EFHD1: variants seen among roughly 807,000 people sequenced by gnomAD.
The protein encoded by EFHD1 is EF-hand domain-containing protein D1.
In EFHD1, 10 loss-of-function variants were observed where a neutral mutation model predicts 17.2. The observed-to-expected ratio is 0.58, with a 90% CI of 0.36 to 0.99. The LOEUF (loss-of-function observed/expected upper bound fraction) is 0.99. EFHD1 is among the 50% of genes least tolerant of loss of function. EFHD1 has a pLI of 0.01. For missense variants in EFHD1, 310 were observed against 327.5 expected (o/e 0.95, Z 0.41); for synonymous variants, 153 against 142.0 (o/e 1.08, Z -0.55).
upstream of EFHD1, among the ~76,000 whole-genome samples, chr2:232,630,300 G>C (rs573848183): frequency 1.3e-5 from 2 of 152,224 alleles, no homozygotes; most frequent in Non-Finnish European, 2.9e-5. Context: ...CATCGGAAAA[G>C]AGGAGAAGGA....
In EFHD1 at chr2:232,623,596, C is replaced by T. The variant is rs139336303; in HGVS notation, c.14+17423C>T. ...GGCAGAGACAGGAGAATCGCTTGAA[C>T]CCGAGAGGCAGAGGTTGTAAGTGAG... On this transcript the variant is annotated intron_variant, in intron 1 of 3. Transcript: ENST00000409613. 4.0e-3 allele frequency among the ~76,000 whole-genome samples: 580 copies of T among 145,422 alleles called. 3 individuals are homozygous for T. Among genetic ancestry groups the T allele is most frequent in the African/African-American group, 0.014 (557 of 39,326 alleles).
At position 232,646,485 on chromosome 2, in the gene EFHD1, C is replaced by T. The variant is rs550782626; in HGVS notation, c.302+12479C>T. Among the ~76,000 whole-genome samples the T allele has an allele frequency of 2.8e-3, 394 of 139,936 alleles. 12 individuals carry two copies. Among genetic ancestry groups the T allele is most frequent in the Non-Finnish European group, 5.8e-4 (38 of 65,994 alleles). The allele number at this position is 139,936 out of a possible 152,430, so 91.8% of individuals were successfully genotyped here. On this transcript the variant is annotated intron_variant, in intron 1 of 3. Coordinates refer to ENST00000264059, the MANE Select transcript of EFHD1 (RefSeq NM_025202.4). ...TTTGAGACAGTGTTTCACTCTGTCA[C>T]CCAGGCTGGAGTACAGTGGCATGAT...
intron 3 of EFHD1, among the ~76,000 whole-genome samples, chr2:232,680,197 C>A (rs1416015639): frequency 6.6e-6 from 1 of 151,938 alleles, no homozygotes; most frequent in Non-Finnish European, 1.5e-5. Flanking sequence ...ATCGGTTGAG[C>A]CCTGGAGGCA....
intron 2 of EFHD1, among the ~76,000 whole-genome samples, chr2:232,668,948 T>C (rs1695016404): frequency 6.6e-6 from 1 of 152,184 alleles, no homozygotes; most frequent in East Asian, 1.9e-4. Context: ...CTCCCATCTT[T>C]TCACAGCTGC....
chr2:232,651,491 A>C (rs528947599), intron 1 of EFHD1, among the ~76,000 whole-genome samples: 1 of 152,356 alleles, frequency 6.6e-6, no homozygotes, highest in Admixed American at 6.5e-5. Context: ...ACCTTCTAGC[A>C]GGTTAAAGAT....
chr2:232,636,468 G>A (rs1000483506), intron 1 of EFHD1, among the ~76,000 whole-genome samples: 2 of 152,186 alleles, frequency 1.3e-5, no homozygotes, highest in African/African-American at 4.8e-5. Flanking sequence ...TTCAGCCTAT[G>A]GTGAAGGCCA....
intron 1 of EFHD1, among the ~76,000 whole-genome samples, chr2:232,660,245 A>G (rs1421960242): frequency 6.6e-6 from 1 of 151,182 alleles, no homozygotes; most frequent in Non-Finnish European, 1.5e-5. Context: ...CCCAGGCTGG[A>G]GTGCAGTGGC....
chr2:232,606,247 T>C, intron 1 of EFHD1: 7 of 1,504,196 alleles, frequency 4.7e-6, no homozygotes, highest in Non-Finnish European at 9.1e-7. Context: ...ATTTTTACTC[T>C]GGTCCAGAAT....
chr2:232,627,956 C>T (rs188620250), intron 1 of EFHD1, among the ~76,000 whole-genome samples: 273 of 152,206 alleles, frequency 1.8e-3, no homozygotes, highest in African/African-American at 6.4e-3. Context: ...ACCATCGTCA[C>T]TATCTAATGT....
chr2:232,635,540 C>T (rs1694302940), intron 1 of EFHD1, among the ~76,000 whole-genome samples: 1 of 152,142 alleles, frequency 6.6e-6, no homozygotes, highest in Admixed American at 6.5e-5. Context: ...AAAGGGGAGC[C>T]GGGCACAGTG....
chr2:232,646,013 C>A (rs954835662), intron 1 of EFHD1, among the ~76,000 whole-genome samples: 3 of 152,212 alleles, frequency 2.0e-5, no homozygotes, highest in African/African-American at 7.2e-5. Flanking sequence ...ACAGTCTCTG[C>A]AGGCAGCCTG....
At chr2:232,677,264 A>ACAC (rs1559358074) in intron 3 of EFHD1, among the ~76,000 whole-genome samples, 2 of 52,946 alleles carry the variant, frequency 3.8e-5, no homozygotes, top group African/African-American at 7.8e-5. Context: ...ATCTTTCTAT[A>ACAC]ACACACACAT....
At chr2:232,679,662 T>C (rs1695238645) in intron 3 of EFHD1, among the ~76,000 whole-genome samples, 1 of 148,676 alleles carries the variant, frequency 6.7e-6, no homozygotes, top group Admixed American at 6.8e-5. Context: ...TGCAGTGAAC[T>C]ATGATTGTGC....
chr2:232,672,327 A>C lies in EFHD1; in HGVS notation c.469A>C (p.Lys157Gln). 2.5e-6 allele frequency: 4 copies of C among 1,614,128 alleles called. No homozygotes were observed. The highest frequency in any genetic ancestry group is 3.4e-6 in the Non-Finnish European group (4 of 1,180,002). The change falls in exon 3 of 4, where the codon AAG becomes CAG. Residue 157 changes from lysine (K) to glutamine (Q), a missense_variant. Coordinates refer to ENST00000264059, the MANE Select transcript of EFHD1 (RefSeq NM_025202.4). ...CCTGTAGTTCCTGCTCATTTTCCAC[A>C]AGGCCGCGGCAGGGGAGCTGCAGGA... is the stretch of plus-strand genomic sequence containing the variant. Reference protein sequence around the residue: ...SFREFLLIFHKAAAGELQEDS... With the variant: ...SFREFLLIFHQAAAGELQEDS...
intron 1 of EFHD1, among the ~76,000 whole-genome samples, chr2:232,626,630 G>A (rs1472596486): frequency 1.3e-5 from 2 of 152,154 alleles, no homozygotes; most frequent in Non-Finnish European, 2.9e-5. Flanking sequence ...TGGATGGAAA[G>A]TGAACATAAA....
In EFHD1 at chr2:232,624,534, G is replaced by T. The variant is rs1283448610; in HGVS notation, c.14+18361G>T. Reference sequence around the variant, plus strand: ...ATGCCAGGGGGCACCCTTGTGTCTGGCTTGCTGGGATTCATTTACACAGTC... The same window carrying T: ...ATGCCAGGGGGCACCCTTGTGTCTGTCTTGCTGGGATTCATTTACACAGTC... On this transcript the variant is annotated intron_variant, in intron 1 of 3. Coordinates refer to the EFHD1 transcript ENST00000409613. Among the ~76,000 whole-genome samples, 3 of 152,386 alleles carry T rather than the reference G, an allele frequency of 2.0e-5. No individual in the cohort carries two copies. The East Asian group carries it at 5.8e-4, about 29-fold the overall frequency.
At chr2:232,640,667 G>A (rs1050737758) in intron 1 of EFHD1, among the ~76,000 whole-genome samples, 1 of 152,112 alleles carries the variant, frequency 6.6e-6, no homozygotes, top group Non-Finnish European at 1.5e-5. Flanking sequence ...TGGATGGGAG[G>A]GATGTCACTC....
At chr2:232,642,373 C>CAAAA (rs764647177) in intron 1 of EFHD1, among the ~76,000 whole-genome samples, 8 of 68,966 alleles carry the variant, frequency 1.2e-4, no homozygotes, top group South Asian at 6.7e-4. Flanking sequence ...GACTCTGTCT[C>CAAAA]AAAAAAAAAA....
chr2:232,668,786 A>G (rs1236969022), intron 2 of EFHD1, among the ~76,000 whole-genome samples: 1 of 151,890 alleles, frequency 6.6e-6, no homozygotes, highest in Non-Finnish European at 1.5e-5. Flanking sequence ...GTTGTGTACC[A>G]CCATGCCCGG....
Sources: gnomAD v4.1 joint callset for allele counts (sites outside exome capture counted in the v4.1 genomes callset) on GRCh38, gnomAD v4.1.1 for gene constraint, MANE v1.5 for transcripts, NCBI Gene and HGNC (gene_info 2026-07-23, HGNC 2026-07-21) for gene names.